SCAPER: variants seen among roughly 807,000 people sequenced by gnomAD.
SCAPER encodes the protein S-phase cyclin A associated protein in the ER.
A neutral mutation model predicts 182.2 loss-of-function variants in SCAPER; 98 were observed. That is an observed-to-expected ratio of 0.54 (90% confidence interval 0.46 to 0.64). The LOEUF (loss-of-function observed/expected upper bound fraction) is 0.64, where lower values mean the gene tolerates loss of function less well. Ranked by LOEUF, SCAPER falls within the 30% of genes least tolerant of loss-of-function variation. The probability of loss-of-function intolerance (pLI) is 0.00; values close to 1 mark genes in which losing one functional copy is unlikely to be tolerated. For missense variants in SCAPER, 1,432 were observed against 1,690.0 expected, an observed-to-expected ratio of 0.85 and a Z score of 2.68; for synonymous variants, 605 against 564.6, an observed-to-expected ratio of 1.07 and a Z score of -1.01.
intron 23 of SCAPER, among the ~76,000 whole-genome samples, chr15:76,564,923 G>T (rs766774374): frequency 6.6e-6 from 1 of 152,246 alleles, no homozygotes; most frequent in African/African-American, 2.4e-5. Context: ...ATGGGGAAAG[G>T]ATTCCCTATT....
At chr15:76,542,506 A>G (rs566068326) in intron 23 of SCAPER, among the ~76,000 whole-genome samples, 5 of 151,926 alleles carry the variant, frequency 3.3e-5, no homozygotes, top group South Asian at 2.1e-4. Flanking sequence ...CTGGGCGACA[A>G]GAGCGAGACT....
intron 26 of SCAPER, among the ~76,000 whole-genome samples, chr15:76,405,347 C>A (rs1186262949): frequency 6.6e-6 from 1 of 151,794 alleles, no homozygotes; most frequent in Non-Finnish European, 1.5e-5. Flanking sequence ...GAACTTCTGG[C>A]CTGATGCGAT....
chr15:76,611,451 A>G (rs888227110), intron 22 of SCAPER, among the ~76,000 whole-genome samples: 4 of 152,174 alleles, frequency 2.6e-5, no homozygotes, highest in Admixed American at 2.0e-4. Flanking sequence ...TACCACCCAA[A>G]AAAAAGCCCA....
At chr15:76,825,164 TTA>T (rs2067891597) in intron 5 of SCAPER, among the ~76,000 whole-genome samples, 1 of 152,210 alleles carries the variant, frequency 6.6e-6, no homozygotes, top group African/African-American at 2.4e-5. Flanking sequence ...CCAATACCAA[TTA>T]TATGCTTTTA....
At chr15:76,793,456 A>G in intron 8 of SCAPER, 1 of 535,318 alleles carries the variant, frequency 1.9e-6, no homozygotes, top group South Asian at 3.0e-5. Context: ...GCCTTCAGGG[A>G]GGGAGAAAGG....
chr15:76,728,740 A>G lies in SCAPER; in HGVS notation c.2023-3T>C. On this transcript the variant is annotated splice_region_variant and splice_polypyrimidine_tract_variant and intron_variant, in intron 16 of 31. Coordinates refer to ENST00000563290, the MANE Select transcript of SCAPER (RefSeq NM_020843.4). The stretch of plus-strand genomic sequence containing the variant: ...GCCTCTAGAGCTCTCTTGCGTTCCT[A>G]ATGTTAGAAATATTTGTTTCCAATA... 1 of 1,603,910 alleles carries G rather than the reference A, an allele frequency of 6.2e-7. No individual in the cohort carries two copies. The highest frequency in any genetic ancestry group is 8.5e-7 in the Non-Finnish European group (1 of 1,177,002).
chr15:76,884,746 A>G (rs1285101606), intron 1 of SCAPER, among the ~76,000 whole-genome samples: 1 of 152,238 alleles, frequency 6.6e-6, no homozygotes, highest in African/African-American at 2.4e-5. Context: ...ACAGCTAAAA[A>G]GTAGAAACAA....
chr15:76,670,388 A>G (rs2056926607), intron 20 of SCAPER, among the ~76,000 whole-genome samples: 1 of 152,130 alleles, frequency 6.6e-6, no homozygotes. Flanking sequence ...GATGTAAGCT[A>G]TTCCATTTCA....
chr15:76,492,009 T>C (rs997720137), intron 24 of SCAPER, among the ~76,000 whole-genome samples: 2 of 152,240 alleles, frequency 1.3e-5, no homozygotes, highest in African/African-American at 2.4e-5. Flanking sequence ...CTTAATGATG[T>C]TGAGAATCTC....
chr15:76,827,611 T>C (rs2068120014), intron 5 of SCAPER, among the ~76,000 whole-genome samples: 2 of 151,880 alleles, frequency 1.3e-5, no homozygotes, highest in Admixed American at 6.6e-5. Flanking sequence ...CGGAGAGTAA[T>C]AAGAGTCTTC....
At chr15:76,854,441 T>C (rs2071112616) in intron 4 of SCAPER, among the ~76,000 whole-genome samples, 1 of 151,938 alleles carries the variant, frequency 6.6e-6, no homozygotes, top group South Asian at 2.1e-4. Flanking sequence ...TACAAAACAC[T>C]GCTCAAAGAA....
At chr15:76,718,585 G>A (rs1196829123) in intron 17 of SCAPER, among the ~76,000 whole-genome samples, 1 of 151,216 alleles carries the variant, frequency 6.6e-6, no homozygotes, top group Non-Finnish European at 1.5e-5. Flanking sequence ...AGGCTGCAGT[G>A]AGCCAAAATC....
chr15:76,789,160 T>C (rs2064829143), intron 8 of SCAPER, among the ~76,000 whole-genome samples: 1 of 152,192 alleles, frequency 6.6e-6, no homozygotes, highest in African/African-American at 2.4e-5. Flanking sequence ...CTGTGTTCAA[T>C]TTTCATCTGT....
intron 24 of SCAPER, among the ~76,000 whole-genome samples, chr15:76,484,732 C>T (rs1048725675): frequency 2.6e-5 from 4 of 152,082 alleles, no homozygotes; most frequent in Non-Finnish European, 5.9e-5. Context: ...GCCTCATCCC[C>T]AGGATGCAAG....
chr15:76,581,587 A>G (rs967577822), intron 22 of SCAPER, among the ~76,000 whole-genome samples: 1 of 152,146 alleles, frequency 6.6e-6, no homozygotes, highest in African/African-American at 2.4e-5. Context: ...ATGCTGAAAA[A>G]GCATTTATTT....
intron 24 of SCAPER, among the ~76,000 whole-genome samples, chr15:76,501,639 T>C (rs140220385): frequency 7.3e-4 from 111 of 152,210 alleles, no homozygotes; most frequent in South Asian, 4.1e-4. Context: ...CTGAGAAAAA[T>C]TAAACAGGAT....
At position 76,844,220 on chromosome 15, in the gene SCAPER, G is replaced by T. The variant is rs2069787880; in HGVS notation, c.196-2289C>A. 2.7e-5 allele frequency among the ~76,000 whole-genome samples: 4 copies of T among 145,784 alleles called. No individual in the cohort carries two copies. The South Asian group carries it at 9.0e-4, about 33-fold the overall frequency. ...GAAGTTTCACACAATTGGATTCCAT[G>T]AGGTAATAGTGTTTTAATCAAGGAC... On this transcript the variant is annotated intron_variant, in intron 4 of 31. Coordinates refer to ENST00000563290, the MANE Select transcript of SCAPER (RefSeq NM_020843.4).
At chr15:76,510,428 G>A (rs965768717) in intron 23 of SCAPER, among the ~76,000 whole-genome samples, 3 of 152,056 alleles carry the variant, frequency 2.0e-5, no homozygotes, top group Non-Finnish European at 2.9e-5. Context: ...TCAAAACATA[G>A]GCTGAGGATA....
intron 22 of SCAPER, among the ~76,000 whole-genome samples, chr15:76,580,009 C>G (rs535878905): frequency 2.6e-5 from 4 of 152,056 alleles, no homozygotes; most frequent in Non-Finnish European, 5.9e-5. Flanking sequence ...TATTGGAGCA[C>G]ACAGATATGT....
Sources: gnomAD v4.1 joint callset for allele counts (sites outside exome capture counted in the v4.1 genomes callset) on GRCh38, gnomAD v4.1.1 for gene constraint, MANE v1.5 for transcripts, NCBI Gene and HGNC (gene_info 2026-07-23, HGNC 2026-07-21) for gene names.